NKAIN2: variants seen among roughly 807,000 people sequenced by gnomAD.
NKAIN2 encodes the protein sodium/potassium transporting ATPase interacting 2.
NKAIN2 carries 14 observed loss-of-function variants against 32.6 expected under a neutral mutation model. That is an observed-to-expected ratio of 0.43 (90% CI 0.28 to 0.67). NKAIN2 has a LOEUF of 0.67. NKAIN2 is among the 30% of genes least tolerant of loss of function. The pLI, the probability that NKAIN2 is intolerant of heterozygous loss-of-function variation, is 0.17. For synonymous variants in NKAIN2, 80 were observed against 87.2 expected, an observed-to-expected ratio of 0.92 and a Z score of 0.46; for missense variants, 198 against 258.3, an observed-to-expected ratio of 0.77 and a Z score of 1.60.
chr6:124,711,092 C>T (rs1206353993), intron 4 of NKAIN2, among the ~76,000 whole-genome samples: 9 of 142,956 alleles, frequency 6.3e-5, no homozygotes, highest in Non-Finnish European at 7.6e-5. Flanking sequence ...ACTTATGAAG[C>T]TTAGTTTGGC....
chr6:124,315,671 C>T (rs1206405195), intron 2 of NKAIN2, among the ~76,000 whole-genome samples: 1 of 152,106 alleles, frequency 6.6e-6, no homozygotes, highest in Admixed American at 6.6e-5. Flanking sequence ...ACTGCACTGG[C>T]ACTTTGTTCA....
At chr6:124,776,741 A>G (rs1430325937) in intron 4 of NKAIN2, among the ~76,000 whole-genome samples, 4 of 152,302 alleles carry the variant, frequency 2.6e-5, no homozygotes, top group African/African-American at 9.6e-5. Flanking sequence ...CTAAGAGATA[A>G]AAGTATGGTT....
chr6:124,324,375 A>G (rs530823152), intron 2 of NKAIN2, among the ~76,000 whole-genome samples: 144 of 152,062 alleles, frequency 9.5e-4, no homozygotes, highest in Non-Finnish European at 1.7e-3. Flanking sequence ...GCAATTGTAA[A>G]TGTTATTCTA....
chr6:124,253,434 A>T (rs1458170826), intron 1 of NKAIN2, among the ~76,000 whole-genome samples: 1 of 152,180 alleles, frequency 6.6e-6, no homozygotes, highest in Non-Finnish European at 1.5e-5. Flanking sequence ...ATTTATCTCC[A>T]TATGAAGGGA....
intron 1 of NKAIN2, among the ~76,000 whole-genome samples, chr6:124,049,537 T>C (rs1216896301): frequency 6.6e-6 from 1 of 152,078 alleles, no homozygotes; most frequent in Non-Finnish European, 1.5e-5. Flanking sequence ...CAGTCCCCTG[T>C]TATGTGCAGT....
intron 3 of NKAIN2, among the ~76,000 whole-genome samples, chr6:124,539,719 T>C (rs1779841733): frequency 6.6e-6 from 1 of 152,172 alleles, no homozygotes; most frequent in African/African-American, 2.4e-5. Context: ...TTTTTGTTTG[T>C]TCATTTGTTT....
At chr6:124,448,611 A>G (rs995716209) in intron 3 of NKAIN2, among the ~76,000 whole-genome samples, 4 of 152,144 alleles carry the variant, frequency 2.6e-5, no homozygotes, top group African/African-American at 9.7e-5. Flanking sequence ...TCCACAGGAT[A>G]GGGTCAAGAG....
chr6:123,934,950 C>G (rs1441709357), intron 1 of NKAIN2, among the ~76,000 whole-genome samples: 1 of 150,528 alleles, frequency 6.6e-6, no homozygotes, highest in African/African-American at 2.4e-5. Flanking sequence ...AATTTTCAAA[C>G]AAAATTAAGA....
chr6:124,308,153 C>T (rs1211427574), intron 2 of NKAIN2, among the ~76,000 whole-genome samples: 2 of 151,882 alleles, frequency 1.3e-5, no homozygotes, highest in East Asian at 1.9e-4. Context: ...CCCCCCACCC[C>T]GCAGCAGGCC....
At chr6:124,088,967 C>T (rs550069443) in intron 1 of NKAIN2, among the ~76,000 whole-genome samples, 1 of 152,064 alleles carries the variant, frequency 6.6e-6, no homozygotes, top group African/African-American at 2.4e-5. Context: ...TAGATATTAC[C>T]TACAGTTCCT....
intron 3 of NKAIN2, among the ~76,000 whole-genome samples, chr6:124,523,664 A>C (rs918651462): frequency 6.6e-6 from 1 of 152,154 alleles, no homozygotes; most frequent in African/African-American, 2.4e-5. Context: ...AAAGGGATAT[A>C]TGTAGAGAGG....
At chr6:124,302,230 G>C (rs1796319236) in intron 2 of NKAIN2, among the ~76,000 whole-genome samples, 2 of 152,112 alleles carry the variant, frequency 1.3e-5, no homozygotes, top group African/African-American at 4.8e-5. Flanking sequence ...TGATTATGAG[G>C]CCTCCCGGCC....
At chr6:124,306,463 G>T (rs1796508331) in intron 2 of NKAIN2, among the ~76,000 whole-genome samples, 1 of 152,042 alleles carries the variant, frequency 6.6e-6, no homozygotes, top group Admixed American at 6.6e-5. Context: ...GCATAAACTA[G>T]AAATTTCTGG....
At position 123,906,954 on chromosome 6, in the gene NKAIN2, A is replaced by C. The variant is rs987431819; in HGVS notation, c.54+102700A>C. On this transcript the variant is annotated intron_variant, in intron 1 of 6. Transcript: ENST00000368417. ...CATAACAAATTTTCAAATGACTCAA[A>C]GACAAGTACTTTTTTAAGCTAAAGT... 7.9e-5 allele frequency among the ~76,000 whole-genome samples: 12 copies of C among 152,240 alleles called. 1 individual carries two copies. Among genetic ancestry groups the C allele is most frequent in the African/African-American group, 2.9e-4 (12 of 41,462 alleles).
At chr6:124,539,207 G>T (rs937495368) in intron 3 of NKAIN2, among the ~76,000 whole-genome samples, 1 of 33,650 alleles carries the variant, frequency 3.0e-5, no homozygotes, top group Non-Finnish European at 1.5e-3. Context: ...AGAGTTTAGA[G>T]GTTATATGTA....
At chr6:123,916,022 C>G (rs1775475998) in intron 1 of NKAIN2, among the ~76,000 whole-genome samples, 1 of 152,090 alleles carries the variant, frequency 6.6e-6, no homozygotes, top group South Asian at 2.1e-4. Flanking sequence ...TCCCAAAGCT[C>G]TTTTTAAAAA....
intron 2 of NKAIN2, among the ~76,000 whole-genome samples, chr6:124,337,511 A>T (rs1797928744): frequency 6.6e-6 from 1 of 152,186 alleles, no homozygotes. Flanking sequence ...TGTCTCAAAA[A>T]ACCAAACCAA....
chr6:124,165,859 TG>T (rs1223493498), intron 1 of NKAIN2, among the ~76,000 whole-genome samples: 2 of 135,140 alleles, frequency 1.5e-5, no homozygotes, highest in African/African-American at 5.7e-5. Context: ...TCATTTTTTA[TG>T]GCTGCATAGT....
At chr6:123,869,987 C>T (rs1772781691) in intron 1 of NKAIN2, among the ~76,000 whole-genome samples, 1 of 152,126 alleles carries the variant, frequency 6.6e-6, no homozygotes, top group South Asian at 2.1e-4. Context: ...ACATGATAAT[C>T]TCTGCAGCAT....
Sources: allele counts gnomAD v4.1 joint callset (sites outside exome capture counted in the v4.1 genomes callset), GRCh38; gene constraint gnomAD v4.1.1; transcripts MANE v1.5; gene names NCBI Gene and HGNC (gene_info 2026-07-23, HGNC 2026-07-21).